The following TMEM245 variants were observed in gnomAD, a reference collection of about 807,000 sequenced individuals.
TMEM245 encodes protein CG-2.
A neutral mutation model predicts 101.2 loss-of-function variants in TMEM245; 69 were observed. The ratio of observed to expected loss-of-function variants is 0.68; its 90% CI spans 0.56 to 0.83. The LOEUF is 0.83. TMEM245 is among the 40% of genes least tolerant of loss of function. The probability of loss-of-function intolerance (pLI) is 0.00; values close to 1 mark genes in which losing one functional copy is unlikely to be tolerated. For synonymous variants in TMEM245, 537 were observed against 449.8 expected (o/e 1.19, Z -2.45); for missense variants, 1,075 against 1,092.8 (o/e 0.98, Z 0.23).
chr9:109,117,717 T>C (rs1457237668), intron 1 of TMEM245, among the ~76,000 whole-genome samples: 1 of 152,234 alleles, frequency 6.6e-6, no homozygotes, highest in Non-Finnish European at 1.5e-5. Flanking sequence ...ATATACTATT[T>C]ACATGTGGCA....
chr9:109,113,689 A>G (rs1031963072), intron 1 of TMEM245, among the ~76,000 whole-genome samples: 6 of 152,232 alleles, frequency 3.9e-5, no homozygotes, highest in Non-Finnish European at 8.8e-5. Flanking sequence ...TGCCTTTTCA[A>G]CCATCTTTGT....
rs764186070 is a variant in TMEM245, at chr9:109,090,910, C to T, written c.1150+12G>A. 2.5e-6 allele frequency: 4 copies of T among 1,612,480 alleles called. No individual in the cohort carries two copies. In the East Asian group the frequency reaches 8.9e-5, roughly 36 times the overall value. ...AAAGACAAGACGAGATCGTACTTAA[C>T]CAGATAACGACCTGCAATCGGCACT... On this transcript the variant is annotated intron_variant, in intron 5 of 17. Coordinates refer to ENST00000374586, the MANE Select transcript of TMEM245 (RefSeq NM_032012.4).
rs746473451 is a variant in TMEM245, at chr9:109,020,470, G to A, written c.2630C>T (p.Ser877Leu). 4 of 1,614,032 alleles carry A rather than the reference G, an allele frequency of 2.5e-6. No homozygotes were observed. The highest frequency in any genetic ancestry group is 2.5e-6 in the Non-Finnish European group (3 of 1,179,960). Residue 877 changes from serine to leucine, a missense_variant, in exon 18 of 18, where the codon TCA (serine) becomes TTA (leucine). Physicochemically the swap from Ser to Leu is moderately radical, Grantham distance 145. Around this residue, in one of 2 missense-constraint regions of TMEM245, gnomAD observed 267 missense variants for 351.3 expected, o/e 0.76. Transcript: ENST00000374586. ...FRDISEDLKS[S>L]VG ...GCAGAGGAAACCACATCAACCTACT[G>A]AAGATTTCAGATCTTCAGAAATGTC...
intron 1 of TMEM245, among the ~76,000 whole-genome samples, chr9:109,109,549 G>A (rs374518397): frequency 3.3e-5 from 5 of 151,962 alleles, no homozygotes; most frequent in Admixed American, 6.6e-5. Flanking sequence ...TATCTCCTAC[G>A]TTATTTTGGT....
intron 9 of TMEM245, among the ~76,000 whole-genome samples, chr9:109,067,056 CAAA>C (rs35037428): frequency 1.2e-5 from 1 of 85,788 alleles, no homozygotes. Flanking sequence ...GACTCCATCT[CAAA>C]AAAAAAAAAA....
chr9:109,038,478 G>A (rs10979665), intron 14 of TMEM245: 24,870 of 169,980 alleles, frequency 0.15, 2,043 homozygotes, highest in African/African-American at 0.19. Flanking sequence ...AAAATTAAGC[G>A]TGAATAACAT....
chr9:109,106,685 G>T, intron 2 of TMEM245, 76 bp from the exon 3 acceptor site: 1 of 1,057,868 alleles, frequency 9.5e-7, no homozygotes, highest in Non-Finnish European at 1.4e-6. Context: ...CAGTTTTGTA[G>T]TTTGACAGAA....
chr9:109,117,605 A>C (rs1421813964), intron 1 of TMEM245, among the ~76,000 whole-genome samples: 135 of 152,334 alleles, frequency 8.9e-4, no homozygotes, highest in Non-Finnish European at 1.5e-5. Flanking sequence ...TTTCTTTACA[A>C]GTGCTCAACT....
At chr9:109,093,180 A>G (rs1830054064) in intron 4 of TMEM245, among the ~76,000 whole-genome samples, 1 of 152,144 alleles carries the variant, frequency 6.6e-6, no homozygotes, top group Non-Finnish European at 1.5e-5. Context: ...AAAGGAAAAT[A>G]AGAAAAACAA....
At chr9:109,114,444 T>C (rs770292920) in intron 1 of TMEM245, among the ~76,000 whole-genome samples, 10 of 152,228 alleles carry the variant, frequency 6.6e-5, no homozygotes, top group East Asian at 1.9e-4. Flanking sequence ...ATCTTAGAAA[T>C]TGTTCAAGCC....
At chr9:109,088,550 C>T (rs1199962753) in intron 5 of TMEM245, among the ~76,000 whole-genome samples, 1 of 151,966 alleles carries the variant, frequency 6.6e-6, no homozygotes, top group African/African-American at 2.4e-5. Flanking sequence ...TGGAACAGGG[C>T]CGGGCACAGT....
chr9:109,033,618 T>C (rs1828032117), intron 16 of TMEM245, 117 bp from the exon 17 acceptor site: 2 of 957,846 alleles, frequency 2.1e-6, no homozygotes, highest in East Asian at 5.5e-5. Flanking sequence ...TCAGCTTTCT[T>C]TAGATCACCT....
intron 1 of TMEM245, among the ~76,000 whole-genome samples, chr9:109,111,317 G>T (rs767176202): frequency 6.6e-6 from 1 of 152,134 alleles, no homozygotes; most frequent in Non-Finnish European, 1.5e-5. Flanking sequence ...ACGTTGAACA[G>T]AGATGACAAA....
intron 9 of TMEM245, among the ~76,000 whole-genome samples, chr9:109,068,711 A>G (rs1008133001): frequency 4.6e-5 from 7 of 152,202 alleles, no homozygotes; most frequent in African/African-American, 1.7e-4. Context: ...CTTGATACCT[A>G]CAACATCTTG....
At chr9:109,102,994 A>G (rs1830319256) in intron 3 of TMEM245, among the ~76,000 whole-genome samples, 1 of 152,252 alleles carries the variant, frequency 6.6e-6, no homozygotes, top group South Asian at 2.1e-4. Context: ...AACTCATTAG[A>G]GACCTCTACC....
Position 109,016,152 on chromosome 9 carries a change from T to C in TMEM245, c.*4308A>G, listed in dbSNP as rs143075984. On this transcript the variant is annotated 3_prime_UTR_variant, in exon 18 of 18. Coordinates refer to ENST00000374586, the MANE Select transcript of TMEM245 (RefSeq NM_032012.4). The stretch of plus-strand genomic sequence containing the variant: ...TGCTCTGAGGAATAAAGAAGGGGAG[T>C]GCAGTCTAAGGTCAAACAGTGTTTG... The C allele has an allele frequency of 4.9e-4, 74 of 152,190 alleles. No homozygotes were observed. The highest frequency in any genetic ancestry group is 1.6e-3 in the African/African-American group (68 of 41,342). The allele number at this position is 152,190 out of a possible 1,614,324, so 9.4% of individuals were successfully genotyped here. A position where few individuals can be genotyped will look rare whatever the true frequency, so the allele number is the denominator to read the frequency against.
intron 14 of TMEM245, among the ~76,000 whole-genome samples, chr9:109,041,335 G>C (rs887185967): frequency 3.3e-5 from 5 of 152,032 alleles, no homozygotes; most frequent in African/African-American, 1.2e-4. Context: ...GATGATCCTG[G>C]AGGACATTAT....
intron 9 of TMEM245, among the ~76,000 whole-genome samples, chr9:109,067,989 C>A (rs1829218422): frequency 6.6e-6 from 1 of 152,030 alleles, no homozygotes; most frequent in South Asian, 2.1e-4. Context: ...TCATGCCGAC[C>A]CCTACTATTT....
At chr9:109,077,005 A>G (rs1338680963) in intron 8 of TMEM245, among the ~76,000 whole-genome samples, 1 of 151,714 alleles carries the variant, frequency 6.6e-6, no homozygotes, top group African/African-American at 2.4e-5. Context: ...AACACTTCCA[A>G]ATTTATTGAA....
Sources: allele counts gnomAD v4.1 joint callset (sites outside exome capture counted in the v4.1 genomes callset), GRCh38; gene constraint gnomAD v4.1.1; regional missense constraint gnomAD v4.1.1; transcripts MANE v1.5; gene names NCBI Gene and HGNC (gene_info 2026-07-23, HGNC 2026-07-21).